Variants in TTC7A observed in about 807,000 individuals in gnomAD.
TTC7A encodes the protein tetratricopeptide repeat protein 7A.
A neutral mutation model predicts 103.7 loss-of-function variants in TTC7A; 110 were observed. The ratio of observed to expected loss-of-function variants is 1.06; its 90% confidence interval spans 0.91 to 1.24. TTC7A has a LOEUF of 1.24. Ranked by LOEUF, TTC7A falls within the 50% of genes most tolerant of loss-of-function variation. TTC7A has a pLI of 0.00. For synonymous variants in TTC7A, 521 were observed against 467.9 expected (o/e 1.11, Z -1.47); for missense variants, 1,340 against 1,116.3 (o/e 1.20, Z -2.86).
intron 2 of TTC7A, among the ~76,000 whole-genome samples, chr2:46,921,390 A>T (rs140450167): frequency 2.0e-3 from 300 of 152,338 alleles, no homozygotes; most frequent in African/African-American, 6.7e-3. Context: ...AATGCTTAAA[A>T]TACCATTATA....
chr2:47,011,278 C>G (rs948616469), intron 10 of TTC7A, 53 bp from the exon 11 acceptor site: 1 of 1,540,066 alleles, frequency 6.5e-7, no homozygotes, highest in African/African-American at 1.4e-5. Context: ...CACTGTGGGC[C>G]CTTGAGATCC....
intron 15 of TTC7A, among the ~76,000 whole-genome samples, chr2:47,045,148 G>A (rs1396739007): frequency 6.6e-6 from 1 of 152,220 alleles, no homozygotes; most frequent in Non-Finnish European, 1.5e-5. Context: ...GTGAGAACCG[G>A]GAGGTGCTGC....
chr2:46,983,406 A>G (rs72888551), intron 5 of TTC7A, among the ~76,000 whole-genome samples: 1,939 of 152,276 alleles, frequency 0.013, 45 homozygotes, highest in African/African-American at 0.043. Flanking sequence ...TCCTGTTTTC[A>G]TGGCCCGGCA....
intron 14 of TTC7A, among the ~76,000 whole-genome samples, chr2:47,025,957 T>G (rs2104572882): frequency 6.6e-6 from 1 of 152,362 alleles, no homozygotes; most frequent in Non-Finnish European, 1.5e-5. Context: ...GCTAATCTAG[T>G]GAACGATAAA....
rs776702309 is a variant in TTC7A, at chr2:46,950,494, C to G, written c.316C>G (p.Leu106Val). The G allele has an allele frequency of 2.5e-6, 4 of 1,614,042 alleles. No individual in the cohort carries two copies. Among genetic ancestry groups the G allele is most frequent in the African/African-American group, 1.3e-5 (1 of 74,918 alleles). Residue 106 changes from leucine to valine, a missense_variant, in exon 2 of 20, where the codon CTA becomes GTA. Coordinates refer to ENST00000319190, the MANE Select transcript of TTC7A (RefSeq NM_020458.4). ...GAAGATGAGCGAAGCCAAAAATTAT[C>G]TAAGCAGTATCCTTAACCATGGGAG... is the stretch of plus-strand genomic sequence containing the variant. ...EPKMSEAKNYLSSILNHGRLS... is the reference protein window; with the variant it reads ...EPKMSEAKNYVSSILNHGRLS...
At chr2:47,011,719 G>A (rs1360721120) in intron 11 of TTC7A, among the ~76,000 whole-genome samples, 1 of 152,246 alleles carries the variant, frequency 6.6e-6, no homozygotes, top group African/African-American at 2.4e-5. Context: ...CACCTGCCCA[G>A]CAGCAGAGTA....
At chr2:47,054,308 C>T in intron 18 of TTC7A, 1 of 317,148 alleles carries the variant, frequency 3.2e-6, no homozygotes, top group Non-Finnish European at 4.6e-6. Context: ...ACTCTTCTGT[C>T]CCTAGGGTAT....
At chr2:47,048,588 G>A (rs367897909) in intron 16 of TTC7A, among the ~76,000 whole-genome samples, 3 of 152,268 alleles carry the variant, frequency 2.0e-5, no homozygotes, top group African/African-American at 7.2e-5. Flanking sequence ...TAGTGTTTCT[G>A]GCTTTTTTGT....
Position 46,941,441 on chromosome 2 carries a change from C to A in TTC7A, c.-101C>A, listed in dbSNP as rs1670364666. 1.5e-6 allele frequency: 2 copies of A among 1,291,662 alleles called. 1 individual carries two copies. Among genetic ancestry groups the A allele is most frequent in the Non-Finnish European group, 2.0e-6 (2 of 1,002,048 alleles). 80.0% of individuals were successfully genotyped at this position (1,291,662 alleles called of 1,614,324 possible). A position where few individuals can be genotyped will look rare whatever the true frequency, so the allele number is the denominator to read the frequency against. ...GCCCGGGCCCCGGCTGCCGTCTGCGCCCCCGTCGACCCCGCCCGCGAGTGC... is the reference window on the plus strand; with the variant it reads ...GCCCGGGCCCCGGCTGCCGTCTGCGACCCCGTCGACCCCGCCCGCGAGTGC... On this transcript the variant is annotated 5_prime_UTR_variant, in exon 1 of 20. Transcript: ENST00000319190. The surrounding 1 kb of genome is among the most constrained non-coding windows in gnomAD (Gnocchi z 4.2).
intron 2 of TTC7A, among the ~76,000 whole-genome samples, chr2:46,951,175 G>C (rs1671371408): frequency 6.6e-6 from 1 of 152,178 alleles, no homozygotes; most frequent in Non-Finnish European, 1.5e-5. Flanking sequence ...ACAAGACACT[G>C]AGGGAGGTAG....
intron 18 of TTC7A, among the ~76,000 whole-genome samples, chr2:47,060,393 TA>T (rs1196102703): frequency 1.3e-5 from 2 of 151,250 alleles, no homozygotes; most frequent in African/African-American, 2.4e-5. Context: ...TAATTTTTTT[TA>T]AAAAAAAGGC....
At chr2:46,934,450 G>C (rs1465026892) in intron 2 of TTC7A, among the ~76,000 whole-genome samples, 1 of 152,060 alleles carries the variant, frequency 6.6e-6, no homozygotes, top group Non-Finnish European at 1.5e-5. Flanking sequence ...GTAGAGACAG[G>C]GTTTTGCCAT....
intron 1 of TTC7A, among the ~76,000 whole-genome samples, chr2:46,947,777 G>GA (rs1671058498): frequency 2.0e-5 from 3 of 152,128 alleles, no homozygotes; most frequent in Admixed American, 2.0e-4. Flanking sequence ...TGAATTGCTA[G>GA]AAAAATAAAA....
chr2:46,929,639 A>G (rs1403694637), intron 2 of TTC7A, among the ~76,000 whole-genome samples: 1 of 152,246 alleles, frequency 6.6e-6, no homozygotes, highest in Non-Finnish European at 1.5e-5. Context: ...TACAGCTAAC[A>G]CAGAAATATA....
At chr2:47,009,759 G>A (rs151178346) in intron 10 of TTC7A, among the ~76,000 whole-genome samples, 35 of 152,216 alleles carry the variant, frequency 2.3e-4, no homozygotes, top group African/African-American at 7.9e-4. Context: ...CCAGTACATG[G>A]GAATTGTCAT....
intron 2 of TTC7A, among the ~76,000 whole-genome samples, chr2:46,919,593 A>C (rs10495940): frequency 0.085 from 12,887 of 152,264 alleles, 1,000 homozygotes; most frequent in African/African-American, 0.21. Context: ...GAAATTGATC[A>C]GAAGTCTAAC....
chr2:47,023,039 G>T (rs1679466463), intron 12 of TTC7A, among the ~76,000 whole-genome samples: 1 of 152,192 alleles, frequency 6.6e-6, no homozygotes, highest in African/African-American at 2.4e-5. Flanking sequence ...GCCTGGTTTG[G>T]GTTCAAACTT....
At chr2:46,960,103 C>T (rs981960251) in intron 3 of TTC7A, among the ~76,000 whole-genome samples, 1 of 152,334 alleles carries the variant, frequency 6.6e-6, no homozygotes, top group African/African-American at 2.4e-5. Flanking sequence ...CTGACCAGGT[C>T]CAGCCAGGAG....
intron 18 of TTC7A, among the ~76,000 whole-genome samples, chr2:47,055,981 T>A (rs569974601): frequency 6.6e-6 from 1 of 151,978 alleles, no homozygotes; most frequent in South Asian, 2.1e-4. Context: ...TCCCACGTCC[T>A]CCTCTTCCCT....
Sources: allele counts gnomAD v4.1 joint callset (sites outside exome capture counted in the v4.1 genomes callset), GRCh38; gene constraint gnomAD v4.1.1; non-coding constraint Gnocchi (gnomAD v3.1); transcripts MANE v1.5; gene names NCBI Gene and HGNC (gene_info 2026-07-23, HGNC 2026-07-21).